The following TAFA1 variants were observed in gnomAD, a reference collection of about 807,000 sequenced individuals.
The protein encoded by TAFA1 is TAFA chemokine like family member 1.
TAFA1 carries 4 observed loss-of-function variants against 18.5 expected under a neutral mutation model. The observed-to-expected ratio is 0.22, with a 90% confidence interval of 0.11 to 0.49. The LOEUF (loss-of-function observed/expected upper bound fraction) is 0.49, where lower values mean the gene tolerates loss of function less well. Among genes scored for constraint, TAFA1 ranks in the 20% least tolerant of loss-of-function variants. The pLI is 0.98. For synonymous variants in TAFA1, 56 were observed against 55.2 expected (o/e 1.01, Z -0.06); for missense variants, 147 against 169.0 (o/e 0.87, Z 0.72).
At chr3:68,450,118 T>C (rs1257653887) in intron 3 of TAFA1, among the ~76,000 whole-genome samples, 2 of 152,204 alleles carry the variant, frequency 1.3e-5, no homozygotes, top group Non-Finnish European at 1.5e-5. Context: ...GTCCTGAGGA[T>C]GGAAAGAAGG....
Position 68,033,791 on chromosome 3 carries a change from C to A in TAFA1, c.118+27047C>A, listed in dbSNP as rs141160636. ...AATCCTTATTAGAGGACATCATTAT[C>A]TGCTTATAAATGCTGGAAATACAAT... On this transcript the variant is annotated intron_variant, in intron 2 of 4. Transcript: ENST00000478136. 1.9e-3 allele frequency among the ~76,000 whole-genome samples: 293 copies of A among 152,332 alleles called. 1 individual carries two copies. The highest frequency in any genetic ancestry group is 6.7e-3 in the African/African-American group (278 of 41,592).
At chr3:68,437,099 G>T (rs1575865618) in intron 3 of TAFA1, among the ~76,000 whole-genome samples, 1 of 152,186 alleles carries the variant, frequency 6.6e-6, no homozygotes, top group African/African-American at 2.4e-5. Context: ...TTAAAAGAAA[G>T]CTGGGAGGGA....
At chr3:68,143,223 G>T (rs1464018630) in intron 2 of TAFA1, among the ~76,000 whole-genome samples, 2 of 152,140 alleles carry the variant, frequency 1.3e-5, no homozygotes, top group Non-Finnish European at 2.9e-5. Flanking sequence ...GGTCCTGGAA[G>T]AATAGAGATT....
intron 3 of TAFA1, among the ~76,000 whole-genome samples, chr3:68,427,479 T>C (rs1415873268): frequency 4.6e-5 from 7 of 152,022 alleles, no homozygotes; most frequent in African/African-American, 1.4e-4. Flanking sequence ...CTGCCAAGGA[T>C]ACTGGTACAT....
At chr3:68,387,284 T>C (rs2070126200) in intron 2 of TAFA1, among the ~76,000 whole-genome samples, 1 of 152,128 alleles carries the variant, frequency 6.6e-6, no homozygotes, top group Non-Finnish European at 1.5e-5. Context: ...AGACTCTAAA[T>C]GGCAGTCTAT....
chr3:68,395,059 G>C (rs1041395706), intron 2 of TAFA1, among the ~76,000 whole-genome samples: 1 of 152,112 alleles, frequency 6.6e-6, no homozygotes, highest in African/African-American at 2.4e-5. Context: ...TCTGACAAAG[G>C]GCTAATATCC....
At chr3:68,402,102 C>A (rs936637643) in intron 2 of TAFA1, among the ~76,000 whole-genome samples, 1 of 152,138 alleles carries the variant, frequency 6.6e-6, no homozygotes, top group Non-Finnish European at 1.5e-5. Context: ...AGCTACATAA[C>A]CCAGAAGACA....
chr3:68,346,113 G>A (rs999323865), intron 2 of TAFA1, among the ~76,000 whole-genome samples: 1 of 152,082 alleles, frequency 6.6e-6, no homozygotes, highest in Non-Finnish European at 1.5e-5. Context: ...AGAGGGATGG[G>A]CAGCCTACTC....
chr3:68,107,234 G>A (rs2065214121), intron 2 of TAFA1, among the ~76,000 whole-genome samples: 1 of 152,046 alleles, frequency 6.6e-6, no homozygotes, highest in Non-Finnish European at 1.5e-5. Context: ...GGGGAAAGGG[G>A]AAGAGTCAAC....
intron 3 of TAFA1, among the ~76,000 whole-genome samples, chr3:68,434,094 T>G (rs1222153507): frequency 6.6e-6 from 1 of 152,152 alleles, no homozygotes; most frequent in Non-Finnish European, 1.5e-5. Flanking sequence ...CCTGATGTTT[T>G]TAATGTTATA....
chr3:68,402,795 G>T (rs1228881420), intron 2 of TAFA1, among the ~76,000 whole-genome samples: 4 of 152,168 alleles, frequency 2.6e-5, no homozygotes, highest in African/African-American at 9.7e-5. Flanking sequence ...TTCTAGTTCT[G>T]CACGGAAGAC....
intron 2 of TAFA1, among the ~76,000 whole-genome samples, chr3:68,415,120 A>G (rs1203694121): frequency 6.6e-6 from 1 of 152,204 alleles, no homozygotes; most frequent in Non-Finnish European, 1.5e-5. Context: ...TTCCATGAAC[A>G]AGTTGCAGCC....
At chr3:68,073,836 G>C (rs1016963220) in intron 2 of TAFA1, among the ~76,000 whole-genome samples, 13 of 152,126 alleles carry the variant, frequency 8.5e-5, no homozygotes, top group South Asian at 2.1e-4. Context: ...TGAGTGCTTA[G>C]AGCAGTGGTC....
At chr3:68,165,137 A>G (rs1218919916) in intron 2 of TAFA1, among the ~76,000 whole-genome samples, 1 of 152,242 alleles carries the variant, frequency 6.6e-6, no homozygotes, top group African/African-American at 2.4e-5. Flanking sequence ...TGTTTTGTGC[A>G]TGGAGAACTA....
At chr3:67,992,926 A>G in the TAFA1 span, among the ~76,000 whole-genome samples, 48 of 152,318 alleles carry the variant, frequency 3.2e-4, no homozygotes, top group African/African-American at 1.1e-3. Flanking sequence ...ACTTGAGCCA[A>G]TCTCTGCTGA....
At chr3:68,075,717 G>C (rs62245881) in intron 2 of TAFA1, among the ~76,000 whole-genome samples, 2 of 133,826 alleles carry the variant, frequency 1.5e-5, no homozygotes, top group African/African-American at 5.5e-5. Context: ...TTTTTTTTTG[G>C]ACAAGGTTTT....
intron 2 of TAFA1, among the ~76,000 whole-genome samples, chr3:68,150,794 A>G (rs2065798109): frequency 6.6e-6 from 1 of 152,108 alleles, no homozygotes; most frequent in Non-Finnish European, 1.5e-5. Flanking sequence ...CAGAAAAAAA[A>G]ATTCTCATTT....
chr3:68,057,136 C>G (rs545836032), intron 2 of TAFA1, among the ~76,000 whole-genome samples: 1 of 152,300 alleles, frequency 6.6e-6, no homozygotes, highest in East Asian at 1.9e-4. Flanking sequence ...TCTCCTGAAC[C>G]TGAATCAATG....
At chr3:68,512,741 A>G (rs2072868406) in intron 3 of TAFA1, among the ~76,000 whole-genome samples, 1 of 151,754 alleles carries the variant, frequency 6.6e-6, no homozygotes, top group Non-Finnish European at 1.5e-5. Context: ...CCAGGACCTT[A>G]TAACTACTAA....
Sources: gnomAD v4.1 joint callset for allele counts (sites outside exome capture counted in the v4.1 genomes callset) on GRCh38, gnomAD v4.1.1 for gene constraint, MANE v1.5 for transcripts, NCBI Gene and HGNC (gene_info 2026-07-23, HGNC 2026-07-21) for gene names.